Variants in LRMDA observed in about 807,000 individuals in gnomAD.
The protein encoded by LRMDA is leucine-rich melanocyte differentiation-associated protein.
Under a neutral mutation model 29.8 loss-of-function variants are expected in LRMDA, and 18 were observed. The ratio of observed to expected loss-of-function variants is 0.60; its 90% confidence interval spans 0.42 to 0.90. LRMDA has a LOEUF of 0.90. Ranked by LOEUF, LRMDA falls within the 40% of genes least tolerant of loss-of-function variation. The pLI, the probability that LRMDA is intolerant of heterozygous loss-of-function variation, is 0.00. For missense variants in LRMDA, 273 were observed against 273.9 expected (o/e 1.00, Z 0.02); for synonymous variants, 125 against 109.4 (o/e 1.14, Z -0.89).
rs147522648 is a variant in LRMDA, at chr10:76,441,386, G to T, written c.602-115823G>T. 3.4e-3 allele frequency among the ~76,000 whole-genome samples: 511 copies of T among 152,202 alleles called. 2 individuals are homozygous for T. The highest frequency in any genetic ancestry group is 0.011 in the African/African-American group (477 of 41,538). On this transcript the variant is annotated intron_variant, in intron 6 of 6. Coordinates refer to ENST00000611255, the MANE Select transcript of LRMDA (RefSeq NM_001305581.2). ...TTTCACTTACTATCTGTGAAACCTC[G>T]AGAAAATTACTGACCTTCTATGTGC...
At chr10:75,824,609 G>A (rs991930521) in intron 2 of LRMDA, among the ~76,000 whole-genome samples, 1 of 152,208 alleles carries the variant, frequency 6.6e-6, no homozygotes, top group Non-Finnish European at 1.5e-5. Context: ...AAGGAAGAGA[G>A]AACCAAGGAT....
intron 2 of LRMDA, among the ~76,000 whole-genome samples, chr10:75,779,358 A>G (rs1224536278): frequency 6.6e-6 from 1 of 152,180 alleles, no homozygotes; most frequent in Non-Finnish European, 1.5e-5. Flanking sequence ...CAGTGATATT[A>G]TCAGCAAAAG....
chr10:75,666,798 C>CT (rs1480247994), intron 2 of LRMDA, among the ~76,000 whole-genome samples: 1 of 151,960 alleles, frequency 6.6e-6, no homozygotes. Flanking sequence ...TGATAAGGTG[C>CT]TTTTTTAGCC....
intron 2 of LRMDA, among the ~76,000 whole-genome samples, chr10:75,866,961 T>C (rs796432383): frequency 1.3e-5 from 2 of 152,300 alleles, no homozygotes; most frequent in African/African-American, 4.8e-5. Context: ...AGGCAGGAGA[T>C]GTGTCCTTGC....
At chr10:76,350,213 T>C (rs7900522) in intron 6 of LRMDA, among the ~76,000 whole-genome samples, 134,457 of 151,712 alleles carry the variant, frequency 0.89, 60,249 homozygotes, top group Non-Finnish European at 0.95. Flanking sequence ...GAACGACCAA[T>C]GGGATTTATT....
At chr10:76,519,239 T>C (rs1843095109) in intron 6 of LRMDA, among the ~76,000 whole-genome samples, 1 of 152,010 alleles carries the variant, frequency 6.6e-6, no homozygotes, top group Non-Finnish European at 1.5e-5. Context: ...ATAATGGAAA[T>C]TAAAAATCCC....
intron 2 of LRMDA, among the ~76,000 whole-genome samples, chr10:75,526,319 C>A (rs1482391267): frequency 6.6e-6 from 1 of 152,098 alleles, no homozygotes; most frequent in East Asian, 1.9e-4. Context: ...CCTGCTTCAG[C>A]CTCCCAAAGT....
chr10:75,601,749 C>T (rs1044347426), intron 2 of LRMDA, among the ~76,000 whole-genome samples: 2 of 152,046 alleles, frequency 1.3e-5, no homozygotes, highest in Non-Finnish European at 2.9e-5. Flanking sequence ...CAATGCTTTA[C>T]GTGTATTATC....
At chr10:75,648,071 C>T (rs1428443650) in intron 2 of LRMDA, among the ~76,000 whole-genome samples, 2 of 152,192 alleles carry the variant, frequency 1.3e-5, no homozygotes, top group Non-Finnish European at 2.9e-5. Context: ...AGGGATATAA[C>T]AGGGAACCTG....
chr10:76,244,396 T>TC (rs1242185885), intron 5 of LRMDA, among the ~76,000 whole-genome samples: 1 of 152,132 alleles, frequency 6.6e-6, no homozygotes, highest in Non-Finnish European at 1.5e-5. Flanking sequence ...CTAACAGCCC[T>TC]CCCCTGAAGA....
intron 2 of LRMDA, among the ~76,000 whole-genome samples, chr10:75,446,180 G>A (rs1424585898): frequency 6.6e-6 from 1 of 152,190 alleles, no homozygotes; most frequent in African/African-American, 2.4e-5. Context: ...TGGGAAGATG[G>A]GCAGTGTAAT....
chr10:75,858,350 G>T (rs1470780999), intron 2 of LRMDA, among the ~76,000 whole-genome samples: 1 of 152,132 alleles, frequency 6.6e-6, no homozygotes, highest in Non-Finnish European at 1.5e-5. Context: ...GCTCCTTCTG[G>T]TACCTGTCGC....
At chr10:76,515,419 A>G (rs540430861) in intron 6 of LRMDA, among the ~76,000 whole-genome samples, 1 of 152,282 alleles carries the variant, frequency 6.6e-6, no homozygotes, top group Non-Finnish European at 1.5e-5. Context: ...TAGTGGTGTA[A>G]TTTCACTAAC....
At chr10:76,223,377 T>C (rs1851885463) in intron 5 of LRMDA, among the ~76,000 whole-genome samples, 1 of 152,180 alleles carries the variant, frequency 6.6e-6, no homozygotes, top group Admixed American at 6.5e-5. Flanking sequence ...CTTGTAGAGA[T>C]GAGGAATTTC....
intron 2 of LRMDA, among the ~76,000 whole-genome samples, chr10:75,731,928 T>C (rs1842704057): frequency 6.6e-6 from 1 of 152,244 alleles, no homozygotes; most frequent in African/African-American, 2.4e-5. Flanking sequence ...CTAACAGGGA[T>C]CATTTTGCCA....
intron 2 of LRMDA, among the ~76,000 whole-genome samples, chr10:75,809,678 T>C (rs562886076): frequency 6.6e-6 from 1 of 152,096 alleles, no homozygotes; most frequent in Non-Finnish European, 1.5e-5. Context: ...ACATGGACCC[T>C]GGATTCATGG....
rs572169019 is a variant in LRMDA, at chr10:76,037,751, A to G, written c.258+1617A>G. On this transcript the variant is annotated intron_variant, in intron 3 of 6. Coordinates refer to ENST00000611255, the MANE Select transcript of LRMDA (RefSeq NM_001305581.2). ...GATCCCATCAGAGAGATCTACCCTT[A>G]TGACCTAATCACCTCCCAAAGGCCT... 7.4e-4 allele frequency among the ~76,000 whole-genome samples: 112 copies of G among 152,322 alleles called. 2 individuals are homozygous for G. Among genetic ancestry groups the G allele is most frequent in the Middle Eastern group, 6.8e-3 (2 of 294 alleles).
At chr10:75,527,466 CTG>C (rs1845426500) in intron 2 of LRMDA, among the ~76,000 whole-genome samples, 2 of 151,954 alleles carry the variant, frequency 1.3e-5, no homozygotes, top group Admixed American at 1.3e-4. Flanking sequence ...AACTGCCAAA[CTG>C]TTTTCACAAC....
intron 2 of LRMDA, among the ~76,000 whole-genome samples, chr10:75,444,680 C>A (rs1430615745): frequency 1.3e-5 from 2 of 152,000 alleles, no homozygotes; most frequent in Non-Finnish European, 2.9e-5. Context: ...TATTTAAGAT[C>A]TTTATTTTTT....
Sources: gnomAD v4.1 joint callset for allele counts (sites outside exome capture counted in the v4.1 genomes callset) on GRCh38, gnomAD v4.1.1 for gene constraint, MANE v1.5 for transcripts, NCBI Gene and HGNC (gene_info 2026-07-23, HGNC 2026-07-21) for gene names.